Variants in ARMC2 observed in about 807,000 individuals in gnomAD.
ARMC2 encodes the protein armadillo repeat containing 2, also known as armadillo repeat-containing protein 2.
ARMC2 carries 67 observed loss-of-function variants against 90.3 expected under a neutral mutation model. The observed-to-expected ratio is 0.74, with a 90% CI of 0.61 to 0.91. ARMC2 has a LOEUF of 0.91. ARMC2 is among the 40% of genes least tolerant of loss of function. The probability of loss-of-function intolerance (pLI) is 0.00; values close to 1 mark genes in which losing one functional copy is unlikely to be tolerated. For missense variants in ARMC2, 920 were observed against 1,030.9 expected (o/e 0.89, Z 1.47); for synonymous variants, 393 against 393.0 (o/e 1.00, Z 0.00).
chr6:108,957,901 A>G lies in ARMC2; in HGVS notation c.1916-3671A>G, dbSNP rs528767100. Reference sequence around the variant, plus strand: ...GCAGTCTATTGCCCCAACTAGCTCCAATGGGAACTCAGCAACCCTGAGTCC... The same window carrying G: ...GCAGTCTATTGCCCCAACTAGCTCCGATGGGAACTCAGCAACCCTGAGTCC... On this transcript the variant is annotated intron_variant, in intron 13 of 17. Transcript: ENST00000392644. Among the ~76,000 whole-genome samples, 3 of 152,240 alleles carry G rather than the reference A, an allele frequency of 2.0e-5. No individual in the cohort carries two copies. In the South Asian group the frequency reaches 6.2e-4, roughly 32 times the overall value.
chr6:109,037,085 G>A, the ARMC2 span, among the ~76,000 whole-genome samples: 5 of 152,240 alleles, frequency 3.3e-5, no homozygotes, highest in African/African-American at 1.2e-4. Context: ...GCATAAAAAG[G>A]CATGAAAACT....
chr6:109,027,919 T>C, the ARMC2 span, among the ~76,000 whole-genome samples: 2 of 152,214 alleles, frequency 1.3e-5, no homozygotes, highest in African/African-American at 2.4e-5. Context: ...TTTTATTGGG[T>C]TGGTTATTTT....
the ARMC2 span, chr6:108,998,347 A>C: frequency 2.9e-6 from 2 of 679,322 alleles, no homozygotes; most frequent in Non-Finnish European, 4.9e-6. Flanking sequence ...ACTAGTGATG[A>C]GCATGTGAGG....
Position 108,918,580 on chromosome 6 carries a change from G to A in ARMC2, c.1350+6022G>A, listed in dbSNP as rs565646953. Among the ~76,000 whole-genome samples the A allele has an allele frequency of 2.0e-5, 3 of 151,942 alleles. No individual in the cohort carries two copies. The South Asian group carries it at 6.2e-4, about 31-fold the overall frequency. Reference sequence around the variant, plus strand: ...TTCATTGTTTGCCGTTGGGAACCCTGATGGTTCATTCAACCCTGGACAATG... The same window carrying A: ...TTCATTGTTTGCCGTTGGGAACCCTAATGGTTCATTCAACCCTGGACAATG... On this transcript the variant is annotated intron_variant, in intron 10 of 17. Transcript: ENST00000392644.
chr6:108,937,062 A>G (rs1035874954), intron 12 of ARMC2, 63 bp downstream of exon 12: 7 of 1,344,562 alleles, frequency 5.2e-6, no homozygotes, highest in Non-Finnish European at 6.2e-6. Context: ...GTGTAAGCCC[A>G]TGTTAAATGT....
the ARMC2 span, among the ~76,000 whole-genome samples, chr6:109,005,875 G>A: frequency 6.6e-6 from 1 of 152,228 alleles, no homozygotes; most frequent in East Asian, 1.9e-4. Flanking sequence ...CTAGTCTTAG[G>A]TATAAGGTCT....
At chr6:108,889,262 C>T (rs963025746) in intron 5 of ARMC2, among the ~76,000 whole-genome samples, 1 of 150,950 alleles carries the variant, frequency 6.6e-6, no homozygotes, top group Admixed American at 6.6e-5. Context: ...TCTCCTGCCT[C>T]AGCCTCCTGA....
chr6:108,916,618 T>A (rs1004095629), intron 10 of ARMC2, among the ~76,000 whole-genome samples: 2 of 152,112 alleles, frequency 1.3e-5, no homozygotes, highest in African/African-American at 4.8e-5. Context: ...AACAGAAATA[T>A]AGGCCAACTA....
the ARMC2 span, among the ~76,000 whole-genome samples, chr6:109,051,150 C>CA: frequency 0.021 from 3,093 of 146,332 alleles, 98 homozygotes; most frequent in African/African-American, 0.067. Flanking sequence ...CTCTTAAAAA[C>CA]AAAAAAAAAC....
the ARMC2 span, among the ~76,000 whole-genome samples, chr6:109,018,812 A>T: frequency 2.6e-5 from 4 of 152,264 alleles, no homozygotes; most frequent in African/African-American, 9.6e-5. Context: ...AATTTCAGGG[A>T]TGACTTCTAT....
chr6:109,002,047 G>C, the ARMC2 span, among the ~76,000 whole-genome samples: 11 of 152,092 alleles, frequency 7.2e-5, no homozygotes, highest in Non-Finnish European at 1.6e-4. Flanking sequence ...ACAAATCTTG[G>C]CTTTACTTGA....
chr6:108,916,515 T>C (rs752967820), intron 10 of ARMC2, among the ~76,000 whole-genome samples: 31 of 152,186 alleles, frequency 2.0e-4, no homozygotes, highest in Non-Finnish European at 3.8e-4. Flanking sequence ...CGAGTTTGTC[T>C]GTAAAGTCGT....
At chr6:108,989,393 C>A in the ARMC2 span, among the ~76,000 whole-genome samples, 135,968 of 151,672 alleles carry the variant, frequency 0.9, 61,050 homozygotes, top group East Asian at 0.95. Flanking sequence ...TTCTCTCTCT[C>A]TATATATAGA....
chr6:108,977,963 T>G (rs993195486), downstream of ARMC2, among the ~76,000 whole-genome samples: 3 of 152,222 alleles, frequency 2.0e-5, no homozygotes, highest in Non-Finnish European at 4.4e-5. Flanking sequence ...CTGGATTCAT[T>G]GATCTTTTGA....
rs541024130 is a variant in ARMC2, at chr6:108,934,913, A to G, written c.1497-1987A>G. Reference sequence around the variant, plus strand: ...CAACATGCTAGGCAATATTCAGAATACTTTCCAAATACGAATTCCTTTCAT... The same window carrying G: ...CAACATGCTAGGCAATATTCAGAATGCTTTCCAAATACGAATTCCTTTCAT... On this transcript the variant is annotated intron_variant, in intron 11 of 17. Coordinates refer to ENST00000392644, the MANE Select transcript of ARMC2 (RefSeq NM_032131.6). Among the ~76,000 whole-genome samples, 13 of 152,320 alleles carry G rather than the reference A, an allele frequency of 8.5e-5. No homozygotes were observed. In the South Asian group the frequency reaches 2.7e-3, roughly 32 times the overall value.
chr6:108,883,807 A>T (rs1777817683), intron 5 of ARMC2, among the ~76,000 whole-genome samples: 1 of 152,140 alleles, frequency 6.6e-6, no homozygotes, highest in Non-Finnish European at 1.5e-5. Context: ...GTATGGTATG[A>T]TTCCATTTAT....
intron 10 of ARMC2, among the ~76,000 whole-genome samples, chr6:108,916,471 C>T (rs894101645): frequency 8.5e-5 from 13 of 152,176 alleles, no homozygotes; most frequent in African/African-American, 2.9e-4. Flanking sequence ...CAAGTCAAAG[C>T]GTGAATAGCC....
chr6:108,994,416 G>A, the ARMC2 span: 4 of 1,497,628 alleles, frequency 2.7e-6, no homozygotes, highest in African/African-American at 1.4e-5. Context: ...TAAATAAAAA[G>A]TTGAGTTTGC....
At chr6:109,044,395 C>A in the ARMC2 span, among the ~76,000 whole-genome samples, 1 of 146,584 alleles carries the variant, frequency 6.8e-6, no homozygotes, top group African/African-American at 2.5e-5. Flanking sequence ...GATAGTCTTT[C>A]CACCAAGTAA....
Sources: allele counts gnomAD v4.1 joint callset (sites outside exome capture counted in the v4.1 genomes callset), GRCh38; gene constraint gnomAD v4.1.1; transcripts MANE v1.5; gene names NCBI Gene and HGNC (gene_info 2026-07-23, HGNC 2026-07-21).